The following METAP1 variants were observed in gnomAD, a reference collection of about 807,000 sequenced individuals.
METAP1 encodes the protein methionyl aminopeptidase 1.
A neutral mutation model predicts 53.8 loss-of-function variants in METAP1; 28 were observed. The observed-to-expected ratio is 0.52, with a 90% CI of 0.39 to 0.71. METAP1 has a LOEUF of 0.71. METAP1 is among the 30% of genes least tolerant of loss of function. The pLI, the probability that METAP1 is intolerant of heterozygous loss-of-function variation, is 0.00. For synonymous variants in METAP1, 181 were observed against 165.7 expected (o/e 1.09, Z -0.71); for missense variants, 389 against 479.8 (o/e 0.81, Z 1.77).
At chr4:99,042,690 A>G (rs575786027) in intron 6 of METAP1, among the ~76,000 whole-genome samples, 6 of 152,254 alleles carry the variant, frequency 3.9e-5, no homozygotes, top group African/African-American at 1.4e-4. Flanking sequence ...CAAATATTTT[A>G]TTTTTACTTT....
intron 1 of METAP1, among the ~76,000 whole-genome samples, chr4:99,011,141 C>G (rs115528184): frequency 0.01 from 1,522 of 151,758 alleles, 26 homozygotes; most frequent in African/African-American, 0.035. Context: ...AATTTGGATG[C>G]CTTTTATTTC....
At position 99,059,552 on chromosome 4, in the gene METAP1, T is replaced by A. The variant is rs182816325; in HGVS notation, c.998-1602T>A. ...CAGTGAGTCCTAGAGGTAATATGTTTCACCTAAAGATTACTCAAAATGAAG... is the reference window on the plus strand; with the variant it reads ...CAGTGAGTCCTAGAGGTAATATGTTACACCTAAAGATTACTCAAAATGAAG... On this transcript the variant is annotated intron_variant, in intron 10 of 10. Transcript: ENST00000296411. Among the ~76,000 whole-genome samples the A allele has an allele frequency of 2.8e-3, 430 of 152,312 alleles. 2 individuals are homozygous for A. The highest frequency in any genetic ancestry group is 9.8e-3 in the African/African-American group (409 of 41,570).
chr4:99,004,477 ACACACAT>A (rs1201905682), intron 1 of METAP1, among the ~76,000 whole-genome samples: 3 of 15,550 alleles, frequency 1.9e-4, no homozygotes, highest in African/African-American at 7.8e-4. Context: ...ACACACACAC[ACACACAT>A]ACACACACAC....
intron 4 of METAP1, among the ~76,000 whole-genome samples, chr4:99,036,809 T>A (rs1014172201): frequency 2.6e-5 from 4 of 152,188 alleles, no homozygotes; most frequent in African/African-American, 9.6e-5. Context: ...ACTCTTATAT[T>A]TATATCTTTG....
At chr4:99,031,497 T>C in intron 2 of METAP1, 1 of 1,287,312 alleles carries the variant, frequency 7.8e-7, no homozygotes, top group South Asian at 1.2e-5. Flanking sequence ...TGCCTGATTT[T>C]TGGATTACAG....
chr4:99,035,528 AATGCTTTTCTTGT>A (rs1371052201), intron 4 of METAP1, 68 bp downstream of exon 4: 19 of 1,210,584 alleles, frequency 1.6e-5, no homozygotes, highest in Non-Finnish European at 2.2e-5. Flanking sequence ...AAAGGGAAGG[AATGCTTTTCTTGT>A]AGAAATTTTT....
At chr4:99,034,367 A>G in intron 3 of METAP1, 25 bp downstream of exon 3, 1 of 1,323,224 alleles carries the variant, frequency 7.6e-7, no homozygotes, top group South Asian at 1.3e-5. Context: ...TAATAAAAAC[A>G]ACATTCCAAT....
At chr4:99,056,084 G>A (rs553835123) in intron 9 of METAP1, among the ~76,000 whole-genome samples, 2 of 152,154 alleles carry the variant, frequency 1.3e-5, no homozygotes, top group South Asian at 2.1e-4. Flanking sequence ...GAATATAAAC[G>A]TGTAGGGGAG....
intron 1 of METAP1, among the ~76,000 whole-genome samples, chr4:99,010,561 A>G (rs1306297287): frequency 6.6e-6 from 1 of 152,218 alleles, no homozygotes; most frequent in Non-Finnish European, 1.5e-5. Flanking sequence ...CCAGTATTAC[A>G]CCATTTTCAT....
intron 1 of METAP1, among the ~76,000 whole-genome samples, chr4:99,020,387 G>A (rs145549605): frequency 1.4e-4 from 21 of 152,270 alleles, no homozygotes; most frequent in African/African-American, 3.9e-4. Flanking sequence ...CTTCGGAAGC[G>A]CAGGGAAAGG....
At chr4:99,047,330 A>G (rs895366539) in intron 8 of METAP1, among the ~76,000 whole-genome samples, 5 of 152,154 alleles carry the variant, frequency 3.3e-5, no homozygotes, top group African/African-American at 7.2e-5. Context: ...GTGTTTGACA[A>G]CCAGAAATAT....
chr4:99,018,394 G>A (rs1193173807), intron 1 of METAP1, among the ~76,000 whole-genome samples: 1 of 152,176 alleles, frequency 6.6e-6, no homozygotes, highest in African/African-American at 2.4e-5. Flanking sequence ...AGGATTAATT[G>A]TAAATGTGGT....
intron 1 of METAP1, chr4:98,997,405 T>C (rs1355008513): frequency 6.5e-6 from 1 of 153,694 alleles, no homozygotes; most frequent in Non-Finnish European, 1.5e-5. Flanking sequence ...GGACCTGTAC[T>C]AGGTTTAACA....
intron 1 of METAP1, among the ~76,000 whole-genome samples, chr4:99,024,975 A>G (rs11097645): frequency 0.43 from 65,584 of 152,076 alleles, 16,984 homozygotes; most frequent in South Asian, 0.67. Context: ...GGAGTGTGCA[A>G]CCTGGCTCCT....
At chr4:99,037,132 A>G (rs1384110596) in intron 4 of METAP1, among the ~76,000 whole-genome samples, 3 of 151,774 alleles carry the variant, frequency 2.0e-5, no homozygotes, top group Non-Finnish European at 3.0e-5. Context: ...TGAAATGTTT[A>G]TTCATATCCT....
intron 4 of METAP1, chr4:99,035,957 C>T (rs1219925125): frequency 6.5e-6 from 1 of 154,858 alleles, no homozygotes; most frequent in Non-Finnish European, 1.5e-5. Flanking sequence ...GTGTCAGGCA[C>T]TGTGCTAAGT....
intron 1 of METAP1, among the ~76,000 whole-genome samples, chr4:98,999,127 C>T (rs1043591621): frequency 1.6e-4 from 24 of 152,088 alleles, no homozygotes; most frequent in Admixed American, 5.2e-4. Context: ...GTTTTTTAGT[C>T]GGAAGGTGAA....
At chr4:99,038,595 G>GT (rs1725607316) in intron 4 of METAP1, among the ~76,000 whole-genome samples, 1 of 151,954 alleles carries the variant, frequency 6.6e-6, no homozygotes, top group African/African-American at 2.4e-5. Flanking sequence ...TTTTCCATTA[G>GT]TACTTGTAAA....
chr4:99,009,785 A>T (rs1454930981), intron 1 of METAP1, among the ~76,000 whole-genome samples: 2 of 152,156 alleles, frequency 1.3e-5, no homozygotes, highest in East Asian at 1.9e-4. Flanking sequence ...ATTACCAGGT[A>T]TGTTATTTGC....
Sources: allele counts gnomAD v4.1 joint callset (sites outside exome capture counted in the v4.1 genomes callset), GRCh38; gene constraint gnomAD v4.1.1; transcripts MANE v1.5; gene names NCBI Gene and HGNC (gene_info 2026-07-23, HGNC 2026-07-21).